Variants in AHCYL2 observed in about 807,000 individuals in gnomAD.
AHCYL2 encodes the protein S-adenosylhomocysteine hydrolase-like protein 2.
Under a neutral mutation model 81.4 loss-of-function variants are expected in AHCYL2, and 28 were observed. That is an observed-to-expected ratio of 0.34 (90% CI 0.25 to 0.47). The LOEUF (loss-of-function observed/expected upper bound fraction) is 0.47, where lower values mean the gene tolerates loss of function less well. Ranked by LOEUF, AHCYL2 falls within the 20% of genes least tolerant of loss-of-function variation. The probability of loss-of-function intolerance (pLI) is 1.00; values close to 1 mark genes in which losing one functional copy is unlikely to be tolerated. For synonymous variants in AHCYL2, 272 were observed against 290.2 expected, an observed-to-expected ratio of 0.94 and a Z score of 0.64; for missense variants, 551 against 785.1, an observed-to-expected ratio of 0.70 and a Z score of 3.56.
intron 15 of AHCYL2, 77 bp downstream of exon 15, chr7:129,425,218 A>G (rs192245875): frequency 6.7e-4 from 893 of 1,333,118 alleles, no homozygotes; most frequent in Admixed American, 9.4e-4. Flanking sequence ...TGGGGGCATT[A>G]ACTTACTTAA....
intron 1 of AHCYL2, among the ~76,000 whole-genome samples, chr7:129,378,367 A>G (rs1383727154): frequency 6.6e-6 from 1 of 152,258 alleles, no homozygotes; most frequent in Non-Finnish European, 1.5e-5. Context: ...TATATTTTAA[A>G]AAGCTTTAAC....
At chr7:129,396,807 T>C (rs1203202290) in intron 4 of AHCYL2, among the ~76,000 whole-genome samples, 3 of 152,118 alleles carry the variant, frequency 2.0e-5, no homozygotes. Context: ...ACAACCTCCA[T>C]CTCCCAGGCT....
In AHCYL2 at chr7:129,277,278, CTTT is replaced by C. The variant is rs1554473463; in HGVS notation, c.363+51855_363+51857del. 1.1e-4 allele frequency among the ~76,000 whole-genome samples: 15 copies of C among 135,790 alleles called. 1 individual carries two copies. In the South Asian group the frequency reaches 2.4e-3, roughly 21 times the overall value. 89.1% of individuals were successfully genotyped at this position (135,790 alleles called of 152,430 possible). On this transcript the variant is annotated intron_variant, in intron 1 of 16. Transcript: ENST00000325006. ...TATTTATTACCTCTAAAGTCTCTCT[CTTT>C]TTTTTTTTTTTTTTTGAGATAGAGT...
intron 1 of AHCYL2, among the ~76,000 whole-genome samples, chr7:129,307,932 A>G (rs1450178430): frequency 2.6e-5 from 4 of 151,628 alleles, no homozygotes; most frequent in Non-Finnish European, 4.4e-5. Flanking sequence ...GCTCTTTCCT[A>G]CTGTGGCTGA....
chr7:129,371,730 C>G (rs1794419159), intron 1 of AHCYL2, among the ~76,000 whole-genome samples: 1 of 152,212 alleles, frequency 6.6e-6, no homozygotes, highest in South Asian at 2.1e-4. Flanking sequence ...TTTAATATTT[C>G]CTCCTCCTCC....
At chr7:129,245,098 C>T (rs1008993025) in intron 1 of AHCYL2, among the ~76,000 whole-genome samples, 4 of 149,272 alleles carry the variant, frequency 2.7e-5, no homozygotes, top group African/African-American at 9.9e-5. Flanking sequence ...AGTCTCGGCT[C>T]ACTGCAGTCT....
At chr7:129,288,694 A>G (rs1177769199) in intron 1 of AHCYL2, among the ~76,000 whole-genome samples, 2 of 152,084 alleles carry the variant, frequency 1.3e-5, no homozygotes, top group Non-Finnish European at 1.5e-5. Context: ...AGACTTCTTC[A>G]TGAGTGGTGT....
chr7:129,358,546 A>G (rs748950310), intron 1 of AHCYL2, among the ~76,000 whole-genome samples: 3 of 152,224 alleles, frequency 2.0e-5, no homozygotes, highest in Non-Finnish European at 4.4e-5. Flanking sequence ...AATGTAGTCA[A>G]ATTCAGAGAC....
chr7:129,353,654 G>C (rs1793643997), intron 1 of AHCYL2, among the ~76,000 whole-genome samples: 1 of 148,086 alleles, frequency 6.8e-6, no homozygotes, highest in South Asian at 2.2e-4. Flanking sequence ...ATATCATACA[G>C]TGACGCCATC....
At position 129,368,048 on chromosome 7, in the gene AHCYL2, T is replaced by C. The variant is rs1346143396; in HGVS notation, c.364-11590T>C. On this transcript the variant is annotated intron_variant, in intron 1 of 16. Coordinates refer to ENST00000325006, the MANE Select transcript of AHCYL2 (RefSeq NM_015328.4). This position sits in a 1 kb window ranked among gnomAD's most constrained non-coding sequence, Gnocchi z 4.4. ...GTGCCTTCCTGACCTCAGTCTTTAT[T>C]GATCTTGGTATCCGCACCTCCAGTG... is the stretch of plus-strand genomic sequence containing the variant. 1.0e-6 allele frequency: 1 copy of C among 961,054 alleles called. No individual in the cohort carries two copies. Among genetic ancestry groups the C allele is most frequent in the African/African-American group, 1.8e-5 (1 of 56,740 alleles). 59.5% of individuals were successfully genotyped at this position (961,054 alleles called of 1,614,324 possible). A position where few individuals can be genotyped will look rare whatever the true frequency, so the allele number is the denominator to read the frequency against.
intron 1 of AHCYL2, among the ~76,000 whole-genome samples, chr7:129,261,596 G>A (rs139304886): frequency 2.0e-5 from 3 of 152,260 alleles, no homozygotes; most frequent in African/African-American, 4.8e-5. Flanking sequence ...ACCCCATTCT[G>A]ACTCACTGTG....
At chr7:129,365,401 G>T (rs1280091065) in intron 1 of AHCYL2, among the ~76,000 whole-genome samples, 1 of 152,088 alleles carries the variant, frequency 6.6e-6, no homozygotes, top group Admixed American at 6.5e-5. Context: ...ACTCCTTAGA[G>T]TATGTACCCT....
Position 129,368,289 on chromosome 7 carries a change from C to G in AHCYL2, c.364-11349C>G. The G allele has an allele frequency of 7.0e-7, 1 of 1,419,550 alleles. No homozygotes were observed. Among genetic ancestry groups the G allele is most frequent in the Non-Finnish European group, 9.2e-7 (1 of 1,087,904 alleles). The allele number at this position is 1,419,550 out of a possible 1,614,324, so 87.9% of individuals were successfully genotyped here. On this transcript the variant is annotated intron_variant, in intron 1 of 16. Transcript: ENST00000325006. The surrounding 1 kb of genome is among the most constrained non-coding windows in gnomAD (Gnocchi z 4.4). ...AATCAGACACAGAAGGCTTTGAAGC[C>G]GGCCAGTAAGGGGTTGTCAGGCAGT...
chr7:129,374,482 C>G (rs1183609750), intron 1 of AHCYL2, among the ~76,000 whole-genome samples: 2 of 151,656 alleles, frequency 1.3e-5, no homozygotes, highest in Non-Finnish European at 2.9e-5. Context: ...GTGACCTTCT[C>G]TCTCTAAATA....
intron 1 of AHCYL2, among the ~76,000 whole-genome samples, chr7:129,281,875 A>G (rs1234221633): frequency 6.6e-6 from 1 of 152,164 alleles, no homozygotes; most frequent in East Asian, 1.9e-4. Flanking sequence ...GTTTAGTGTT[A>G]TACATTTCCT....
intron 1 of AHCYL2, among the ~76,000 whole-genome samples, chr7:129,237,597 G>A (rs536088937): frequency 1.8e-3 from 280 of 151,796 alleles, no homozygotes; most frequent in African/African-American, 6.0e-3. Flanking sequence ...ATGTTTTGAC[G>A]GAAATTGGAG....
At position 129,426,920 on chromosome 7, in the gene AHCYL2, G is replaced by T; in HGVS notation, c.1830-119G>T. On this transcript the variant is annotated intron_variant, in intron 16 of 16. Transcript: ENST00000325006. This position sits in a 1 kb window ranked among gnomAD's most constrained non-coding sequence, Gnocchi z 4.3. ...TGAAAAGGAAACACAGTTATTTCCT[G>T]TCACTGTACACTCCAGAAAAGTCTC... 1 of 967,344 alleles carries T rather than the reference G, an allele frequency of 1.0e-6. No homozygotes were observed. Among genetic ancestry groups the T allele is most frequent in the Non-Finnish European group, 1.6e-6 (1 of 628,250 alleles). The allele number at this position is 967,344 out of a possible 1,614,324, so 59.9% of individuals were successfully genotyped here.
intron 1 of AHCYL2, chr7:129,377,710 G>A (rs1179327114): frequency 1.9e-5 from 8 of 418,588 alleles, no homozygotes; most frequent in Admixed American, 5.8e-5. Context: ...TATACAAACA[G>A]AGAAAACAAA....
At chr7:129,239,211 A>T (rs893756250) in intron 1 of AHCYL2, among the ~76,000 whole-genome samples, 1 of 152,198 alleles carries the variant, frequency 6.6e-6, no homozygotes, top group East Asian at 1.9e-4. Flanking sequence ...GAGACAGTTT[A>T]TTAAGTTTGG....
Sources: allele counts gnomAD v4.1 joint callset (sites outside exome capture counted in the v4.1 genomes callset), GRCh38; gene constraint gnomAD v4.1.1; non-coding constraint Gnocchi (gnomAD v3.1); transcripts MANE v1.5; gene names NCBI Gene and HGNC (gene_info 2026-07-23, HGNC 2026-07-21).